The following TANC2 variants were observed in gnomAD, a reference collection of about 807,000 sequenced individuals.
The protein encoded by TANC2 is protein TANC2.
TANC2 carries 26 observed loss-of-function variants against 210.5 expected under a neutral mutation model. The observed-to-expected ratio is 0.12, with a 90% CI of 0.09 to 0.17. TANC2 has a LOEUF of 0.17. Ranked by LOEUF, TANC2 falls within the 10% of genes least tolerant of loss-of-function variation. The pLI is 1.00. For missense variants in TANC2, 2,129 were observed against 2,608.9 expected, an observed-to-expected ratio of 0.82 and a Z score of 4.01; for synonymous variants, 931 against 967.1, an observed-to-expected ratio of 0.96 and a Z score of 0.69.
intron 1 of TANC2, among the ~76,000 whole-genome samples, chr17:62,977,377 A>G (rs1686147443): frequency 6.6e-6 from 1 of 152,224 alleles, no homozygotes; most frequent in African/African-American, 2.4e-5. Context: ...TATAAACTAA[A>G]GAATAGTTCA....
At chr17:63,372,893 CTTT>C (rs753800050) in intron 14 of TANC2, among the ~76,000 whole-genome samples, 2 of 115,926 alleles carry the variant, frequency 1.7e-5, no homozygotes, top group Admixed American at 9.9e-5. Context: ...TGATTACCAT[CTTT>C]TTTTTTTTTT....
chr17:63,324,266 G>A (rs2045578820), intron 11 of TANC2, among the ~76,000 whole-genome samples: 1 of 152,098 alleles, frequency 6.6e-6, no homozygotes, highest in Non-Finnish European at 1.5e-5. Flanking sequence ...AAAAAGCAAA[G>A]GTTTTTTTTC....
At chr17:63,371,700 A>G (rs1255480512) in intron 14 of TANC2, among the ~76,000 whole-genome samples, 1 of 152,194 alleles carries the variant, frequency 6.6e-6, no homozygotes, top group Non-Finnish European at 1.5e-5. Flanking sequence ...GTGAAAACCT[A>G]TTAGAAAAAC....
intron 5 of TANC2, among the ~76,000 whole-genome samples, chr17:63,162,761 C>G (rs2040072503): frequency 6.6e-6 from 1 of 151,870 alleles, no homozygotes; most frequent in East Asian, 1.9e-4. Context: ...GTGATGTAAC[C>G]AGCTGAAAGT....
intron 7 of TANC2, among the ~76,000 whole-genome samples, chr17:63,223,838 A>T (rs949569197): frequency 1.3e-5 from 2 of 152,052 alleles, no homozygotes; most frequent in African/African-American, 4.8e-5. Context: ...CATCAGGTTC[A>T]TTACAGGTGG....
rs2041093972 is a variant in TANC2, at chr17:63,188,940, C to T, written c.434-5051C>T. ...TCCCGTGCCCATTCACAGTCACTCC[C>T]CACACAACCCAGTCCTAGGCAATGG... is the stretch of plus-strand genomic sequence containing the variant. On this transcript the variant is annotated intron_variant, in intron 5 of 27. Coordinates refer to ENST00000689528, the Ensembl canonical transcript of TANC2. Among the ~76,000 whole-genome samples the T allele has an allele frequency of 2.0e-5, 3 of 152,202 alleles. No homozygotes were observed. In the South Asian group the frequency reaches 6.2e-4, roughly 32 times the overall value.
rs143225003 is a variant in TANC2, at chr17:63,298,018, C to T, written c.1160-16370C>T. 5.9e-5 allele frequency among the ~76,000 whole-genome samples: 9 copies of T among 151,992 alleles called. No homozygotes were observed. The East Asian group carries it at 1.7e-3, about 29-fold the overall frequency. ...TCACAGTGAGATACTATTTTACACC[C>T]CCTAGGATGGCTGTAATAAAAACAA... is the stretch of plus-strand genomic sequence containing the variant. On this transcript the variant is annotated intron_variant, in intron 9 of 27. Transcript: ENST00000689528.
At chr17:63,061,208 A>G (rs1489425866) in intron 2 of TANC2, among the ~76,000 whole-genome samples, 1 of 152,154 alleles carries the variant, frequency 6.6e-6, no homozygotes, top group Non-Finnish European at 1.5e-5. Context: ...CTCTACTAAA[A>G]ATACAAAAAT....
intron 6 of TANC2, chr17:63,197,568 G>C (rs1383676744): frequency 1.3e-5 from 2 of 152,160 alleles, no homozygotes; most frequent in Non-Finnish European, 2.9e-5. Flanking sequence ...TCTAATGCAA[G>C]TCAGCGTACA....
intron 19 of TANC2, among the ~76,000 whole-genome samples, chr17:63,399,814 T>C (rs2048287701): frequency 6.6e-6 from 1 of 152,248 alleles, no homozygotes; most frequent in Admixed American, 6.5e-5. Flanking sequence ...GTGGCATTTC[T>C]TCTCGTGACA....
chr17:63,379,180 T>TGGG (rs2047523436), intron 14 of TANC2, among the ~76,000 whole-genome samples: 1 of 152,214 alleles, frequency 6.6e-6, no homozygotes, highest in South Asian at 2.1e-4. Flanking sequence ...GTGTGTGGGA[T>TGGG]GGGTGTAAGC....
At chr17:63,279,631 T>C (rs143102189) in intron 9 of TANC2, among the ~76,000 whole-genome samples, 1 of 152,108 alleles carries the variant, frequency 6.6e-6, no homozygotes, top group Admixed American at 6.6e-5. Context: ...CATGCTTTTA[T>C]ATAGCACCTG....
chr17:63,135,780 A>G (rs1412407467), intron 4 of TANC2, among the ~76,000 whole-genome samples: 1 of 152,204 alleles, frequency 6.6e-6, no homozygotes, highest in African/African-American at 2.4e-5. Context: ...TAAAGCAGTA[A>G]TCACGTATTA....
chr17:63,123,202 G>T (rs569498748), intron 4 of TANC2, among the ~76,000 whole-genome samples: 1 of 152,170 alleles, frequency 6.6e-6, no homozygotes, highest in Non-Finnish European at 1.5e-5. Context: ...GAAAAGCTTA[G>T]ACAGATAGCT....
intron 9 of TANC2, among the ~76,000 whole-genome samples, chr17:63,274,861 G>A (rs1278834989): frequency 6.6e-6 from 1 of 152,046 alleles, no homozygotes; most frequent in Non-Finnish European, 1.5e-5. Flanking sequence ...ATCACCATTA[G>A]GTTAATGTGG....
chr17:63,033,881 A>G (rs995543783), intron 2 of TANC2, among the ~76,000 whole-genome samples: 2 of 152,210 alleles, frequency 1.3e-5, no homozygotes, highest in African/African-American at 4.8e-5. Flanking sequence ...TTTAAAAACT[A>G]TAAAGTCGAA....
chr17:63,408,134 G>A (rs996463141), intron 21 of TANC2, among the ~76,000 whole-genome samples: 5 of 152,212 alleles, frequency 3.3e-5, no homozygotes, highest in Non-Finnish European at 5.9e-5. Flanking sequence ...GGAAGCCATC[G>A]TAATGGAACA....
intron 5 of TANC2, among the ~76,000 whole-genome samples, chr17:63,187,804 G>A (rs149810292): frequency 1.0e-3 from 159 of 152,064 alleles, no homozygotes; most frequent in African/African-American, 3.7e-3. Flanking sequence ...AAAGATGACA[G>A]CACACTTCTC....
intron 8 of TANC2, among the ~76,000 whole-genome samples, chr17:63,238,608 G>A (rs1212593673): frequency 1.3e-5 from 2 of 152,028 alleles, no homozygotes; most frequent in Non-Finnish European, 2.9e-5. Context: ...ATCACCAGGT[G>A]GCTACATTTC....
Sources: gnomAD v4.1 joint callset for allele counts (sites outside exome capture counted in the v4.1 genomes callset) on GRCh38, gnomAD v4.1.1 for gene constraint, MANE v1.5 for transcripts, NCBI Gene and HGNC (gene_info 2026-07-23, HGNC 2026-07-21) for gene names.